Variants in GRIP1 observed in about 807,000 individuals in gnomAD.
GRIP1 encodes glutamate receptor interacting protein 1.
GRIP1 carries 45 observed loss-of-function variants against 129.9 expected under a neutral mutation model. The observed-to-expected ratio is 0.35, with a 90% confidence interval of 0.27 to 0.44. The LOEUF is 0.44. Ranked by LOEUF, GRIP1 falls within the 20% of genes least tolerant of loss-of-function variation. The pLI is 1.00. For synonymous variants in GRIP1, 530 were observed against 520.8 expected (o/e 1.02, Z -0.24); for missense variants, 1,196 against 1,396.8 (o/e 0.86, Z 2.29).
chr12:66,679,123 G>C (rs2034476063), upstream of GRIP1: 3 of 1,453,476 alleles, frequency 2.1e-6, no homozygotes, highest in Non-Finnish European at 9.1e-7. Context: ...GCCTGCCACA[G>C]CCTCCTCCCC....
intron 1 of GRIP1, among the ~76,000 whole-genome samples, chr12:66,686,146 G>A (rs117780787): frequency 2.0e-5 from 3 of 152,284 alleles, no homozygotes; most frequent in Non-Finnish European, 4.4e-5. Context: ...TGTTTGCAGA[G>A]GAGAAAAAGG....
chr12:66,459,059 T>C (rs554398888), intron 9 of GRIP1, among the ~76,000 whole-genome samples: 1 of 152,380 alleles, frequency 6.6e-6, no homozygotes, highest in Admixed American at 6.5e-5. Flanking sequence ...TGTTTGTCTG[T>C]CTGTACTAGA....
chr12:66,920,123 T>C (rs1192077269), intron 1 of GRIP1, among the ~76,000 whole-genome samples: 1 of 152,034 alleles, frequency 6.6e-6, no homozygotes, highest in Non-Finnish European at 1.5e-5. Flanking sequence ...ATAAAACACA[T>C]AGAGATTATC....
chr12:66,763,463 A>G (rs1373411799), intron 1 of GRIP1, among the ~76,000 whole-genome samples: 1 of 152,232 alleles, frequency 6.6e-6, no homozygotes, highest in African/African-American at 2.4e-5. Context: ...ACCACAGTCA[A>G]TGATAATTCC....
chr12:66,698,874 G>A (rs1431773234), intron 1 of GRIP1, among the ~76,000 whole-genome samples: 1 of 152,192 alleles, frequency 6.6e-6, no homozygotes, highest in Non-Finnish European at 1.5e-5. Flanking sequence ...TGTTCCTACT[G>A]TATGATTGTG....
chr12:67,061,386 GAGAAA>G (rs2043533461), intron 1 of GRIP1, among the ~76,000 whole-genome samples: 1 of 152,164 alleles, frequency 6.6e-6, no homozygotes, highest in African/African-American at 2.4e-5. Context: ...CTTTACAGAT[GAGAAA>G]GCCACAGTCA....
chr12:66,829,948 A>G (rs2039487543), intron 1 of GRIP1, among the ~76,000 whole-genome samples: 1 of 152,208 alleles, frequency 6.6e-6, no homozygotes. Context: ...TTACTTGTCC[A>G]AAGTAAAACA....
intron 1 of GRIP1, among the ~76,000 whole-genome samples, chr12:66,885,746 C>T (rs1164040283): frequency 2.0e-5 from 3 of 152,118 alleles, no homozygotes; most frequent in South Asian, 2.1e-4. Context: ...ATCACCAAGC[C>T]GCCTTGCCAC....
chr12:66,896,165 G>C (rs925780376), intron 1 of GRIP1, among the ~76,000 whole-genome samples: 3 of 152,174 alleles, frequency 2.0e-5, no homozygotes, highest in Non-Finnish European at 4.4e-5. Flanking sequence ...CTTGCTACAA[G>C]GGTGACCTAA....
At chr12:67,011,117 T>C (rs1014835914) in intron 1 of GRIP1, among the ~76,000 whole-genome samples, 22 of 152,164 alleles carry the variant, frequency 1.4e-4, no homozygotes, top group African/African-American at 4.8e-4. Context: ...TGTACTTAGC[T>C]ATCTCATTGG....
chr12:67,015,837 A>C (rs2042778159), intron 1 of GRIP1, among the ~76,000 whole-genome samples: 1 of 152,120 alleles, frequency 6.6e-6, no homozygotes, highest in Non-Finnish European at 1.5e-5. Context: ...ATGAAATCAG[A>C]AATATTATCC....
intron 7 of GRIP1, among the ~76,000 whole-genome samples, chr12:66,481,469 G>C (rs2059803923): frequency 6.6e-6 from 1 of 152,194 alleles, no homozygotes; most frequent in Non-Finnish European, 1.5e-5. Context: ...AGAGGATGTG[G>C]AGAAACAGAG....
chr12:66,355,384 A>G (rs563113352), intron 23 of GRIP1, among the ~76,000 whole-genome samples: 131 of 152,352 alleles, frequency 8.6e-4, no homozygotes, highest in African/African-American at 3.0e-3. Flanking sequence ...TTTAATCCTT[A>G]TAACGATTCC....
chr12:66,578,231 G>GTTTTTTTTTT (rs1462512737), intron 2 of GRIP1, among the ~76,000 whole-genome samples: 2 of 31,502 alleles, frequency 6.3e-5, no homozygotes, highest in Non-Finnish European at 6.0e-5. Flanking sequence ...GCAAAACCGC[G>GTTTTTTTTTT]GTTTTTTTTT....
At position 66,348,524 on chromosome 12, in the gene GRIP1, AT is replaced by A. The variant is rs2054080361; in HGVS notation, c.*494del. 1 of 171,596 alleles carries A rather than the reference AT, an allele frequency of 5.8e-6. No individual in the cohort carries two copies. The highest frequency in any genetic ancestry group is 1.4e-4 in the South Asian group (1 of 7,144). 10.6% of individuals were successfully genotyped at this position (171,596 alleles called of 1,614,324 possible). A position where few individuals can be genotyped will look rare whatever the true frequency, so the allele number is the denominator to read the frequency against. On this transcript the variant is annotated 3_prime_UTR_variant, in exon 25 of 25. Transcript: ENST00000359742. ...TTAATTTTATACCTGTACCCCTCCCATTGTGGTAGTCCCAGCAGTTTACCAA... is the reference window on the plus strand; with the variant it reads ...TTAATTTTATACCTGTACCCCTCCCATGTGGTAGTCCCAGCAGTTTACCAA...
rs187387516 is a variant in GRIP1, at chr12:66,555,967, G to A, written c.137-14017C>T. On this transcript the variant is annotated intron_variant, in intron 2 of 24. Coordinates refer to ENST00000359742, the MANE Select transcript of GRIP1 (RefSeq NM_001366722.1). ...AAACCTAAGAGTTATTAACCTTAATGAGGATGTAGAGACAGATAGGGATGT... is the reference window on the plus strand; with the variant it reads ...AAACCTAAGAGTTATTAACCTTAATAAGGATGTAGAGACAGATAGGGATGT... Among the ~76,000 whole-genome samples, 158 of 152,266 alleles carry A rather than the reference G, an allele frequency of 1.0e-3. 1 individual carries two copies. Among genetic ancestry groups the A allele is most frequent in the Admixed American group, 3.1e-3 (47 of 15,296 alleles).
chr12:66,471,136 G>A (rs931512), intron 7 of GRIP1, among the ~76,000 whole-genome samples: 21,413 of 152,150 alleles, frequency 0.14, 1,616 homozygotes, highest in Non-Finnish European at 0.18. Flanking sequence ...GTGGCAAGTG[G>A]CTCTGGAGGT....
At chr12:66,607,230 T>C (rs1250384540) in intron 1 of GRIP1, among the ~76,000 whole-genome samples, 1 of 152,210 alleles carries the variant, frequency 6.6e-6, no homozygotes, top group Non-Finnish European at 1.5e-5. Flanking sequence ...CATGAATTCT[T>C]GGTTTAATTT....
At chr12:66,709,610 T>C (rs2035648279) in intron 1 of GRIP1, among the ~76,000 whole-genome samples, 2 of 151,998 alleles carry the variant, frequency 1.3e-5, no homozygotes, top group South Asian at 4.2e-4. Context: ...TAACATACAG[T>C]GAACACTGGG....
Sources: gnomAD v4.1 joint callset for allele counts (sites outside exome capture counted in the v4.1 genomes callset) on GRCh38, gnomAD v4.1.1 for gene constraint, MANE v1.5 for transcripts, NCBI Gene and HGNC (gene_info 2026-07-23, HGNC 2026-07-21) for gene names.